The following SCYL2 variants were observed in gnomAD, a reference collection of about 807,000 sequenced individuals.
The protein encoded by SCYL2 is SCY1 like pseudokinase 2.
Under a neutral mutation model 100.4 loss-of-function variants are expected in SCYL2, and 36 were observed. That is an observed-to-expected ratio of 0.36 (90% CI 0.27 to 0.47). The LOEUF is 0.47. Ranked by LOEUF, SCYL2 falls within the 20% of genes least tolerant of loss-of-function variation. The pLI is 1.00. For synonymous variants in SCYL2, 330 were observed against 359.2 expected (o/e 0.92, Z 0.92); for missense variants, 902 against 1,083.9 (o/e 0.83, Z 2.36).
rs1952339047 is a variant in SCYL2 at position 100,340,464 on chromosome 12, A to G, written c.*1292A>G. On this transcript the variant is annotated 3_prime_UTR_variant, in exon 18 of 18. Transcript: ENST00000360820. Reference sequence around the variant, plus strand: ...AAACTTTAAAACCATCTTTCAACGAACTATATATGTATTATAGTTGCTGCC... The same window carrying G: ...AAACTTTAAAACCATCTTTCAACGAGCTATATATGTATTATAGTTGCTGCC... The G allele has an allele frequency of 6.6e-6, 1 of 152,060 alleles. No individual in the cohort carries two copies. The highest frequency in any genetic ancestry group is 2.4e-5 in the African/African-American group (1 of 41,442). 9.4% of individuals were successfully genotyped at this position (152,060 alleles called of 1,614,324 possible).
intron 4 of SCYL2, among the ~76,000 whole-genome samples, chr12:100,310,326 T>C (rs2096340713): frequency 6.6e-6 from 1 of 152,168 alleles, no homozygotes; most frequent in African/African-American, 2.4e-5. Context: ...ATAGTAGCCA[T>C]CCTCATGGAT....
At chr12:100,281,592 GGGAGTC>G in intron 1 of SCYL2, among the ~76,000 whole-genome samples, 2 of 152,144 alleles carry the variant, frequency 1.3e-5, no homozygotes, top group Non-Finnish European at 2.9e-5. Context: ...CCAGCACTTT[GGGAGTC>G]TGAGGCGGGC....
Position 100,276,387 on chromosome 12 carries a change from G to A in SCYL2, c.-28-6556G>A, listed in dbSNP as rs991473580. Among the ~76,000 whole-genome samples the A allele has an allele frequency of 7.2e-5, 11 of 152,172 alleles. No homozygotes were observed. In the East Asian group the frequency reaches 2.1e-3, roughly 29 times the overall value. On this transcript the variant is annotated intron_variant, in intron 1 of 17. Coordinates refer to ENST00000360820, the MANE Select transcript of SCYL2 (RefSeq NM_017988.6). ...ACTCTTTGTCACGCAGGCCAGAGGA[G>A]AGTGGCACAATCATGGCTCACTGCA...
Position 100,322,367 on chromosome 12 carries a change from C to T in SCYL2, c.1396-1158C>T, listed in dbSNP as rs1191189199. ...CAGCCTGGGCGACAGAGCGAGACTC[C>T]GTCTCAAAAAAAAAAAAAAAAAAAA... On this transcript the variant is annotated intron_variant, in intron 10 of 17. Coordinates refer to ENST00000360820, the MANE Select transcript of SCYL2 (RefSeq NM_017988.6). Among the ~76,000 whole-genome samples, 17 of 116,906 alleles carry T rather than the reference C, an allele frequency of 1.5e-4. 1 individual carries two copies. Among genetic ancestry groups the T allele is most frequent in the African/African-American group, 5.2e-4 (15 of 28,968 alleles). The allele number at this position is 116,906 out of a possible 152,430, so 76.7% of individuals were successfully genotyped here.
chr12:100,309,133 T>TGCGCGC (rs370498116), intron 4 of SCYL2, among the ~76,000 whole-genome samples: 1 of 150,016 alleles, frequency 6.7e-6, no homozygotes. Context: ...TGTGTGTGTG[T>TGCGCGC]GCGCGCGCGT....
intron 1 of SCYL2, among the ~76,000 whole-genome samples, chr12:100,281,028 T>TG (rs2096297726): frequency 7.9e-6 from 1 of 126,980 alleles, no homozygotes; most frequent in Non-Finnish European, 1.6e-5. Flanking sequence ...TGTTTTTTTT[T>TG]TTTTTTTTTT....
intron 1 of SCYL2, among the ~76,000 whole-genome samples, chr12:100,281,501 G>C (rs1484033270): frequency 6.6e-6 from 1 of 151,940 alleles, no homozygotes; most frequent in African/African-American, 2.4e-5. Flanking sequence ...GACCAGCCTG[G>C]GCAGCATAGC....
At chr12:100,281,285 T>C (rs939578190) in intron 1 of SCYL2, among the ~76,000 whole-genome samples, 1 of 152,148 alleles carries the variant, frequency 6.6e-6, no homozygotes, top group African/African-American at 2.4e-5. Context: ...TCCATCAGCC[T>C]CCTAAAGTGC....
chr12:100,276,544 C>T (rs2096292662), intron 1 of SCYL2, among the ~76,000 whole-genome samples: 1 of 152,084 alleles, frequency 6.6e-6, no homozygotes, highest in South Asian at 2.1e-4. Context: ...CCTTATGTTG[C>T]TCGGGCTGGT....
At chr12:100,337,647 TA>T in intron 17 of SCYL2, 141 bp downstream of exon 17, 1 of 825,650 alleles carries the variant, frequency 1.2e-6, no homozygotes, top group Non-Finnish European at 1.9e-6. Flanking sequence ...AGTATGGGCA[TA>T]AATGATTTTC....
At chr12:100,333,108 C>T (rs902752454) in intron 13 of SCYL2, among the ~76,000 whole-genome samples, 3 of 150,876 alleles carry the variant, frequency 2.0e-5, no homozygotes, top group African/African-American at 7.3e-5. Context: ...TGCACTTTGA[C>T]ATGTAGACTT....
chr12:100,284,861 A>G (rs1393884969), intron 2 of SCYL2, among the ~76,000 whole-genome samples: 8 of 152,114 alleles, frequency 5.3e-5, no homozygotes, highest in African/African-American at 1.7e-4. Flanking sequence ...ATCTCCAGGT[A>G]ATATTTAGAG....
intron 1 of SCYL2, among the ~76,000 whole-genome samples, chr12:100,268,946 G>A (rs1473596236): frequency 1.3e-5 from 2 of 152,032 alleles, no homozygotes; most frequent in African/African-American, 4.8e-5. Context: ...TCTGCTCTTC[G>A]TCTGTAACAG....
chr12:100,276,983 A>G (rs1436258044), intron 1 of SCYL2, among the ~76,000 whole-genome samples: 1 of 151,928 alleles, frequency 6.6e-6, no homozygotes, highest in East Asian at 1.9e-4. Flanking sequence ...TTTCTTTGTG[A>G]TTTCTTTTTT....
intron 14 of SCYL2, among the ~76,000 whole-genome samples, chr12:100,334,968 C>T (rs1952257027): frequency 6.6e-6 from 1 of 151,908 alleles, no homozygotes; most frequent in Admixed American, 6.6e-5. Context: ...AACTCTTTAG[C>T]TTCTGCCCAC....
chr12:100,329,465 G>A (rs916056358), intron 13 of SCYL2, 146 bp downstream of exon 13: 38 of 505,192 alleles, frequency 7.5e-5, no homozygotes, highest in African/African-American at 6.8e-4. Context: ...GTTTGTGGGT[G>A]GAAGGATAGA....
intron 11 of SCYL2, among the ~76,000 whole-genome samples, chr12:100,324,176 T>G (rs969805436): frequency 2.0e-5 from 3 of 152,160 alleles, no homozygotes; most frequent in African/African-American, 7.2e-5. Context: ...AATACAAAAT[T>G]TTAACATTCA....
intron 3 of SCYL2, among the ~76,000 whole-genome samples, chr12:100,295,705 G>A (rs967319012): frequency 6.6e-6 from 1 of 152,046 alleles, no homozygotes; most frequent in Non-Finnish European, 1.5e-5. Flanking sequence ...GAGGGAGAGG[G>A]AGACCGTGGG....
intron 7 of SCYL2, 56 bp from the exon 8 acceptor site, chr12:100,314,433 T>C (rs1025725268): frequency 7.7e-7 from 1 of 1,302,186 alleles, no homozygotes. Flanking sequence ...GTTTCAGATA[T>C]GAGAAGTACT....
Sources: gnomAD v4.1 joint callset for allele counts (sites outside exome capture counted in the v4.1 genomes callset) on GRCh38, gnomAD v4.1.1 for gene constraint, MANE v1.5 for transcripts, NCBI Gene and HGNC (gene_info 2026-07-23, HGNC 2026-07-21) for gene names.